Variants in SPIDR observed in about 807,000 individuals in gnomAD.
SPIDR encodes scaffold protein involved in DNA repair.
SPIDR carries 93 observed loss-of-function variants against 104.6 expected under a neutral mutation model. The observed-to-expected ratio is 0.89, with a 90% CI of 0.75 to 1.06. The LOEUF (loss-of-function observed/expected upper bound fraction) is 1.06, where lower values mean the gene tolerates loss of function less well. SPIDR is among the 50% of genes least tolerant of loss of function. The pLI, the probability that SPIDR is intolerant of heterozygous loss-of-function variation, is 0.00. For missense variants in SPIDR, 1,154 were observed against 1,111.2 expected (o/e 1.04, Z -0.55); for synonymous variants, 431 against 416.9 (o/e 1.03, Z -0.41).
chr8:47,584,320 TG>T (rs2060046695), intron 8 of SPIDR, among the ~76,000 whole-genome samples: 1 of 152,196 alleles, frequency 6.6e-6, no homozygotes, highest in Non-Finnish European at 1.5e-5. Flanking sequence ...ATGAGAAGAA[TG>T]GACAAGATTT....
At chr8:47,563,037 C>CTT (rs75347314) in intron 8 of SPIDR, among the ~76,000 whole-genome samples, 1,408 of 134,852 alleles carry the variant, frequency 0.01, 28 homozygotes, top group African/African-American at 0.035. Context: ...ACTCTTTTCT[C>CTT]TTTTTTTTTT....
At chr8:47,306,404 GT>G (rs2043103300) in intron 5 of SPIDR, among the ~76,000 whole-genome samples, 3 of 152,198 alleles carry the variant, frequency 2.0e-5, no homozygotes. Context: ...GCCTCACAAA[GT>G]GCTGGGGTTA....
intron 8 of SPIDR, among the ~76,000 whole-genome samples, chr8:47,586,488 T>C (rs903429519): frequency 6.6e-6 from 1 of 152,246 alleles, no homozygotes. Context: ...TGGCTAATGA[T>C]GTAGAACATC....
At chr8:47,644,793 C>G (rs936677489) in intron 10 of SPIDR, among the ~76,000 whole-genome samples, 3 of 152,146 alleles carry the variant, frequency 2.0e-5, no homozygotes, top group African/African-American at 7.2e-5. Context: ...ATAGGAGCAT[C>G]AAGGTCACCT....
intron 10 of SPIDR, among the ~76,000 whole-genome samples, chr8:47,606,661 A>G (rs538599012): frequency 3.9e-5 from 6 of 152,234 alleles, no homozygotes; most frequent in Non-Finnish European, 8.8e-5. Context: ...TAGCCTTTGC[A>G]TGTGTTTGGA....
chr8:47,538,378 T>C (rs1212885202), intron 8 of SPIDR, among the ~76,000 whole-genome samples: 1 of 152,006 alleles, frequency 6.6e-6, no homozygotes, highest in Non-Finnish European at 1.5e-5. Flanking sequence ...ACCCCGTCTC[T>C]ACTAAAATAC....
intron 19 of SPIDR, among the ~76,000 whole-genome samples, chr8:47,731,247 C>A (rs1456963489): frequency 5.3e-5 from 8 of 150,818 alleles, no homozygotes; most frequent in African/African-American, 1.5e-4. Context: ...AGCAAGACTC[C>A]GTCTCAGAAA....
chr8:47,391,860 G>T (rs1314889923), intron 5 of SPIDR, among the ~76,000 whole-genome samples: 3 of 151,808 alleles, frequency 2.0e-5, no homozygotes, highest in Non-Finnish European at 2.9e-5. Flanking sequence ...GCTGGGCGTA[G>T]TGGCGGGCGC....
Position 47,301,632 on chromosome 8 carries a change from C to T in SPIDR, c.525+7602C>T, listed in dbSNP as rs2042104143. Among the ~76,000 whole-genome samples, 6 of 145,610 alleles carry T rather than the reference C, an allele frequency of 4.1e-5. No individual in the cohort carries two copies. The Admixed American group carries it at 4.2e-4, about 10-fold the overall frequency. On this transcript the variant is annotated intron_variant, in intron 5 of 19. Transcript: ENST00000297423. Reference sequence around the variant, plus strand: ...GCTTCCTTCAGGAGCTCTTTTAGGGCAGGCCTGGTGGTGACCAAATCTCTC... The same window carrying T: ...GCTTCCTTCAGGAGCTCTTTTAGGGTAGGCCTGGTGGTGACCAAATCTCTC...
chr8:47,592,789 G>C (rs2061199362), intron 8 of SPIDR, among the ~76,000 whole-genome samples: 1 of 152,180 alleles, frequency 6.6e-6, no homozygotes, highest in Non-Finnish European at 1.5e-5. Context: ...GAAAACTCAA[G>C]AGGAGTAGGA....
At chr8:47,343,483 G>A (rs1191409425) in intron 5 of SPIDR, among the ~76,000 whole-genome samples, 2 of 152,282 alleles carry the variant, frequency 1.3e-5, no homozygotes, top group African/African-American at 4.8e-5. Context: ...GAACTTACGG[G>A]AAGCTGCTTT....
intron 8 of SPIDR, among the ~76,000 whole-genome samples, chr8:47,519,256 T>C (rs1446721991): frequency 6.6e-6 from 1 of 152,090 alleles, no homozygotes; most frequent in African/African-American, 2.4e-5. Context: ...GCAATTCTCC[T>C]GCATCAGCCT....
intron 8 of SPIDR, among the ~76,000 whole-genome samples, chr8:47,551,227 T>G (rs1309695586): frequency 6.6e-6 from 1 of 152,210 alleles, no homozygotes; most frequent in Non-Finnish European, 1.5e-5. Flanking sequence ...TGGTCTAAAA[T>G]TCTCCTTTTT....
At chr8:47,549,661 A>G (rs1361281980) in intron 8 of SPIDR, among the ~76,000 whole-genome samples, 1 of 152,154 alleles carries the variant, frequency 6.6e-6, no homozygotes, top group African/African-American at 2.4e-5. Context: ...GATTCTGGAT[A>G]TTAGCCCTTT....
intron 10 of SPIDR, among the ~76,000 whole-genome samples, chr8:47,608,650 G>T (rs562766104): frequency 6.6e-6 from 1 of 152,344 alleles, no homozygotes; most frequent in South Asian, 2.1e-4. Context: ...ATCCATGTGT[G>T]TCTGAAGTGG....
At chr8:47,491,179 G>C (rs1373736079) in intron 8 of SPIDR, among the ~76,000 whole-genome samples, 1 of 151,740 alleles carries the variant, frequency 6.6e-6, no homozygotes, top group African/African-American at 2.4e-5. Context: ...ATCATAAATG[G>C]GTCGTTTAAG....
intron 5 of SPIDR, among the ~76,000 whole-genome samples, chr8:47,389,284 G>A (rs1464370734): frequency 1.3e-5 from 2 of 152,084 alleles, no homozygotes; most frequent in Non-Finnish European, 2.9e-5. Flanking sequence ...GCAAAAATAG[G>A]AAAAATATGG....
chr8:47,338,163 G>T (rs1554611085), intron 5 of SPIDR, among the ~76,000 whole-genome samples: 1 of 152,054 alleles, frequency 6.6e-6, no homozygotes, highest in Admixed American at 6.6e-5. Context: ...CCTGGTGGTG[G>T]TGTGTGGGAG....
chr8:47,508,758 C>T (rs2081872984), intron 8 of SPIDR, among the ~76,000 whole-genome samples: 2 of 152,132 alleles, frequency 1.3e-5, no homozygotes, highest in African/African-American at 4.8e-5. Context: ...GTATCTGACC[C>T]CCACGCAGCT....
Sources: allele counts gnomAD v4.1 joint callset (sites outside exome capture counted in the v4.1 genomes callset), GRCh38; gene constraint gnomAD v4.1.1; transcripts MANE v1.5; gene names NCBI Gene and HGNC (gene_info 2026-07-23, HGNC 2026-07-21).